SPDEF: variants seen among roughly 807,000 people sequenced by gnomAD.
SPDEF encodes SAM pointed domain-containing Ets transcription factor.
Under a neutral mutation model 36.0 loss-of-function variants are expected in SPDEF, and 12 were observed. That is an observed-to-expected ratio of 0.33 (90% CI 0.21 to 0.54). The LOEUF (loss-of-function observed/expected upper bound fraction) is 0.54. SPDEF is among the 20% of genes least tolerant of loss of function. SPDEF has a pLI of 0.93. For missense variants in SPDEF, 388 were observed against 456.9 expected (o/e 0.85, Z 1.37); for synonymous variants, 205 against 193.0 (o/e 1.06, Z -0.51).
intron 1 of SPDEF, among the ~76,000 whole-genome samples, chr6:34,550,459 T>A (rs1299962076): frequency 2.0e-5 from 3 of 152,104 alleles, no homozygotes; most frequent in Admixed American, 6.5e-5. Flanking sequence ...TGTGGCCATC[T>A]CCAAGCACCT....
In SPDEF at chr6:34,539,915, C is replaced by T. The variant is rs986995586; in HGVS notation, c.635-353G>A. On this transcript the variant is annotated intron_variant, in intron 3 of 5. Coordinates refer to ENST00000374037, the MANE Select transcript of SPDEF (RefSeq NM_012391.3). The surrounding 1 kb of genome is among the most constrained non-coding windows in gnomAD (Gnocchi z 5.2). Reference sequence around the variant, plus strand: ...TTACTCCTTGACTCAGGCACCACCTCCTCCAAAGCACCTGGCCCTGTGCAG... The same window carrying T: ...TTACTCCTTGACTCAGGCACCACCTTCTCCAAAGCACCTGGCCCTGTGCAG... Among the ~76,000 whole-genome samples, 5 of 152,206 alleles carry T rather than the reference C, an allele frequency of 3.3e-5. No homozygotes were observed. The highest frequency in any genetic ancestry group is 1.2e-4 in the African/African-American group (5 of 41,446).
At position 34,552,494 on chromosome 6, in the gene SPDEF, G is replaced by C. The variant is rs1421065117; in HGVS notation, c.-30+3435C>G. 6.6e-6 allele frequency among the ~76,000 whole-genome samples: 1 copy of C among 152,218 alleles called. No individual in the cohort carries two copies. Among genetic ancestry groups the C allele is most frequent in the African/African-American group, 2.4e-5 (1 of 41,456 alleles). On this transcript the variant is annotated intron_variant, in intron 1 of 5. Transcript: ENST00000374037. This position sits in a 1 kb window ranked among gnomAD's most constrained non-coding sequence, Gnocchi z 4.6. ...GAGAAGGCTTCACTGTCTCCCGAGAGGTGTGTGTCCACAGTGGTGACTGCT... is the reference window on the plus strand; with the variant it reads ...GAGAAGGCTTCACTGTCTCCCGAGACGTGTGTGTCCACAGTGGTGACTGCT...
chr6:34,551,202 C>A (rs986819418), intron 1 of SPDEF, among the ~76,000 whole-genome samples: 3 of 152,218 alleles, frequency 2.0e-5, no homozygotes, highest in Non-Finnish European at 4.4e-5. Flanking sequence ...TGTTGACCAT[C>A]CCCTTTGCCT....
At chr6:34,548,647 G>A (rs986358657) in intron 1 of SPDEF, among the ~76,000 whole-genome samples, 6 of 152,196 alleles carry the variant, frequency 3.9e-5, no homozygotes, top group African/African-American at 1.2e-4. Flanking sequence ...ACCAGGGATT[G>A]ACATAGTGAC....
chr6:34,553,920 C>T (rs992227487), intron 1 of SPDEF, among the ~76,000 whole-genome samples: 10 of 151,216 alleles, frequency 6.6e-5, no homozygotes, highest in Non-Finnish European at 1.0e-4. Flanking sequence ...CCCCGGCCCC[C>T]GCACCCGCCA....
chr6:34,551,055 G>A (rs186278425), intron 1 of SPDEF, among the ~76,000 whole-genome samples: 16 of 152,342 alleles, frequency 1.1e-4, no homozygotes, highest in Middle Eastern at 3.4e-3. Flanking sequence ...CCCACTTGAC[G>A]GACAAGGGCG....
At chr6:34,551,245 G>A (rs1346959884) in intron 1 of SPDEF, among the ~76,000 whole-genome samples, 8 of 152,184 alleles carry the variant, frequency 5.3e-5, no homozygotes, top group Non-Finnish European at 1.5e-5. Flanking sequence ...CAGCCCCACA[G>A]CAGTTGCCTT....
chr6:34,550,620 C>T (rs1017228211), intron 1 of SPDEF, among the ~76,000 whole-genome samples: 1 of 152,210 alleles, frequency 6.6e-6, no homozygotes, highest in Non-Finnish European at 1.5e-5. Flanking sequence ...CAAAACTGTC[C>T]AGGCCAACTG....
At chr6:34,547,153 G>A (rs372152203) in intron 1 of SPDEF, among the ~76,000 whole-genome samples, 16 of 152,170 alleles carry the variant, frequency 1.1e-4, no homozygotes, top group Non-Finnish European at 1.5e-4. Flanking sequence ...AGCAGAACTC[G>A]CTTCCCTTGT....
chr6:34,549,706 C>A (rs1352160984), intron 1 of SPDEF, among the ~76,000 whole-genome samples: 2 of 152,178 alleles, frequency 1.3e-5, no homozygotes, highest in Non-Finnish European at 2.9e-5. Flanking sequence ...TATCCTCACC[C>A]CTACCTCAAT....
At position 34,539,953 on chromosome 6, in the gene SPDEF, G is replaced by A. The variant is rs752636174; in HGVS notation, c.635-391C>T. On this transcript the variant is annotated intron_variant, in intron 3 of 5. Transcript: ENST00000374037. This position sits in a 1 kb window ranked among gnomAD's most constrained non-coding sequence, Gnocchi z 5.2. ...TGGCCCTGTGCAGGCAGCAGTGGGT[G>A]CCCACTGAGATCAAGACAATTTAGA... Among the ~76,000 whole-genome samples the A allele has an allele frequency of 4.6e-5, 7 of 152,160 alleles. No individual in the cohort carries two copies. Among genetic ancestry groups the A allele is most frequent in the Middle Eastern group, 3.2e-3 (1 of 316 alleles).
At position 34,552,760 on chromosome 6, in the gene SPDEF, G is replaced by T. The variant is rs1474547023; in HGVS notation, c.-30+3169C>A. 6.6e-6 allele frequency among the ~76,000 whole-genome samples: 1 copy of T among 152,230 alleles called. No individual in the cohort carries two copies. Among genetic ancestry groups the T allele is most frequent in the Non-Finnish European group, 1.5e-5 (1 of 68,040 alleles). On this transcript the variant is annotated intron_variant, in intron 1 of 5. Coordinates refer to ENST00000374037, the MANE Select transcript of SPDEF (RefSeq NM_012391.3). This position sits in a 1 kb window ranked among gnomAD's most constrained non-coding sequence, Gnocchi z 4.6. The stretch of plus-strand genomic sequence containing the variant: ...AAGTCCAGAAAGAACTGTCCTGACA[G>T]GCTAAGAACAGAAATTGCTTCAAAC...
intron 1 of SPDEF, among the ~76,000 whole-genome samples, chr6:34,554,486 G>A (rs966446166): frequency 4.6e-5 from 7 of 152,240 alleles, no homozygotes; most frequent in African/African-American, 1.7e-4. Flanking sequence ...TTCAGCTCTG[G>A]ATACCCCCAC....
At chr6:34,543,268 A>G (rs948024612) in intron 2 of SPDEF, among the ~76,000 whole-genome samples, 2 of 151,194 alleles carry the variant, frequency 1.3e-5, no homozygotes, top group African/African-American at 4.8e-5. Flanking sequence ...ACAACTGTCT[A>G]TTGAGCATCA....
intron 1 of SPDEF, among the ~76,000 whole-genome samples, chr6:34,551,575 TAAA>T (rs1422575077): frequency 3.9e-5 from 6 of 152,156 alleles, no homozygotes; most frequent in African/African-American, 1.4e-4. Flanking sequence ...TTTGGGGACT[TAAA>T]GAAGGATGGT....
Position 34,539,377 on chromosome 6 carries a change from G to T in SPDEF, c.702C>A (p.Ser234Arg), listed in dbSNP as rs1292185452. 2.5e-6 allele frequency: 4 copies of T among 1,613,656 alleles called. No homozygotes were observed. The highest frequency in any genetic ancestry group is 3.4e-6 in the Non-Finnish European group (4 of 1,180,036). Residue 234 changes from serine (S) to arginine (R), a missense_variant, in exon 5 of 6, where the codon AGC becomes AGA. Coordinates refer to ENST00000374037, the MANE Select transcript of SPDEF (RefSeq NM_012391.3). This position sits in a 1 kb window ranked among gnomAD's most constrained non-coding sequence, Gnocchi z 5.2. ...IHYCASTSEE[S>R]WTDSEVDSSC... Reference sequence around the variant, plus strand: ...ATGAGTCCACCTCGCTGTCGGTCCAGCTCTCCTCACTGGTCGAGGCTGGGT... The same window carrying T: ...ATGAGTCCACCTCGCTGTCGGTCCATCTCTCCTCACTGGTCGAGGCTGGGT...
Position 34,554,606 on chromosome 6 carries a change from G to T in SPDEF, c.-30+1323C>A, listed in dbSNP as rs545118844. 2.6e-5 allele frequency among the ~76,000 whole-genome samples: 4 copies of T among 152,334 alleles called. No individual in the cohort carries two copies. The South Asian group carries it at 8.3e-4, about 32-fold the overall frequency. ...TCCTCCACACAGCCCCACCTGCCTG[G>T]GAGCTCCGAGAATGCCCCCCACCAT... is the stretch of plus-strand genomic sequence containing the variant. On this transcript the variant is annotated intron_variant, in intron 1 of 5. Coordinates refer to ENST00000374037, the MANE Select transcript of SPDEF (RefSeq NM_012391.3).
rs1434678033 is a variant in SPDEF, at chr6:34,541,047, A to C, written c.571T>G (p.Phe191Val). 7 of 1,612,574 alleles carry C rather than the reference A, an allele frequency of 4.3e-6. No individual in the cohort carries two copies. Among genetic ancestry groups the C allele is most frequent in the Non-Finnish European group, 5.1e-6 (6 of 1,179,900 alleles). ...KELCAMSEEQ[F>V]RQRSPLGGDV... is the part of the protein sequence containing the mutation. Reference sequence around the variant, plus strand: ...CCACCCAGGGGCGAGCGCTGGCGGAACTGCTCCTCCGACATGGCGCACAGC... The same window carrying C: ...CCACCCAGGGGCGAGCGCTGGCGGACCTGCTCCTCCGACATGGCGCACAGC... The change falls in exon 3 of 6, where the codon TTC (phenylalanine) becomes GTC (valine). Residue 191 changes from phenylalanine (F) to valine (V), a missense_variant. By Grantham distance (50) the Phe-to-Val change is conservative (BLOSUM62 -1). This residue lies in a region of SPDEF where 308 missense variants were observed against 326.1 expected (regional missense o/e 0.94). Coordinates refer to ENST00000374037, the MANE Select transcript of SPDEF (RefSeq NM_012391.3).
chr6:34,539,089 CA>C lies in SPDEF; in HGVS notation c.829+160del, dbSNP rs1561975842. On this transcript the variant is annotated intron_variant, in intron 5 of 5. Coordinates refer to ENST00000374037, the MANE Select transcript of SPDEF (RefSeq NM_012391.3). This position sits in a 1 kb window ranked among gnomAD's most constrained non-coding sequence, Gnocchi z 5.2. ...GTGGACACAGATTGCACACAGACCCCAGGGCTGTCCCATGAGAGCTGCATAT... is the reference window on the plus strand; with the variant it reads ...GTGGACACAGATTGCACACAGACCCCGGGCTGTCCCATGAGAGCTGCATAT... Among the ~76,000 whole-genome samples the C allele has an allele frequency of 6.6e-6, 1 of 152,178 alleles. No homozygotes were observed. The highest frequency in any genetic ancestry group is 1.9e-4 in the East Asian group (1 of 5,192).
Sources: allele counts gnomAD v4.1 joint callset (sites outside exome capture counted in the v4.1 genomes callset), GRCh38; gene constraint gnomAD v4.1.1; regional missense constraint gnomAD v4.1.1; non-coding constraint Gnocchi (gnomAD v3.1); transcripts MANE v1.5; gene names NCBI Gene and HGNC (gene_info 2026-07-23, HGNC 2026-07-21).